Variants in ANKS1B observed in about 807,000 individuals in gnomAD.
The protein encoded by ANKS1B is ankyrin repeat and sterile alpha motif domain containing 1B, also known as ankyrin repeat and sterile alpha motif domain-containing protein 1B.
A neutral mutation model predicts 148.3 loss-of-function variants in ANKS1B; 36 were observed. The ratio of observed to expected loss-of-function variants is 0.24; its 90% CI spans 0.19 to 0.32. The LOEUF is 0.32. Ranked by LOEUF, ANKS1B falls within the 10% of genes least tolerant of loss-of-function variation. The pLI is 1.00. For synonymous variants in ANKS1B, 542 were observed against 560.8 expected (o/e 0.97, Z 0.47); for missense variants, 1,157 against 1,542.6 (o/e 0.75, Z 4.19).
intron 12 of ANKS1B, among the ~76,000 whole-genome samples, chr12:99,315,104 G>A (rs773208249): frequency 1.3e-4 from 19 of 151,956 alleles, no homozygotes; most frequent in South Asian, 1.0e-3. Context: ...TTAGCTGGGC[G>A]TGGTGGTGCA....
chr12:99,064,950 T>C (rs909188272), intron 16 of ANKS1B, among the ~76,000 whole-genome samples: 1 of 152,234 alleles, frequency 6.6e-6, no homozygotes, highest in Non-Finnish European at 1.5e-5. Context: ...AGCCTTTTGT[T>C]AAACATCGTT....
chr12:99,449,041 G>T (rs546966381), intron 10 of ANKS1B, among the ~76,000 whole-genome samples: 5 of 151,964 alleles, frequency 3.3e-5, no homozygotes, highest in Admixed American at 6.6e-5. Context: ...CTTCAGCTGT[G>T]TCAAGGCTGC....
intron 8 of ANKS1B, among the ~76,000 whole-genome samples, chr12:99,745,682 T>C (rs2060529210): frequency 6.6e-6 from 1 of 152,090 alleles, no homozygotes; most frequent in African/African-American, 2.4e-5. Context: ...AAAATTACAA[T>C]TTACAATTTA....
intron 4 of ANKS1B, among the ~76,000 whole-genome samples, chr12:99,790,078 C>G (rs1272381346): frequency 6.6e-6 from 1 of 151,952 alleles, no homozygotes; most frequent in African/African-American, 2.4e-5. Flanking sequence ...AATCAAACTC[C>G]CAAAGGTCAA....
intron 1 of ANKS1B, among the ~76,000 whole-genome samples, chr12:99,925,264 T>C (rs2153802148): frequency 6.6e-6 from 1 of 152,276 alleles, no homozygotes; most frequent in Admixed American, 6.5e-5. Flanking sequence ...TGTAGTCACC[T>C]TGGGAAGTAA....
intron 9 of ANKS1B, among the ~76,000 whole-genome samples, chr12:99,536,892 C>T (rs1197603638): frequency 6.6e-6 from 1 of 152,122 alleles, no homozygotes; most frequent in African/African-American, 2.4e-5. Flanking sequence ...ACCCTCCCCA[C>T]CTTAACCACA....
chr12:99,653,684 T>A (rs2153442067), intron 9 of ANKS1B, among the ~76,000 whole-genome samples: 1 of 148,062 alleles, frequency 6.8e-6, no homozygotes, highest in Non-Finnish European at 1.5e-5. Flanking sequence ...CTTTCTTTTT[T>A]TTTTTTTTTT....
chr12:99,515,494 C>T (rs181396527), intron 9 of ANKS1B, among the ~76,000 whole-genome samples: 1 of 152,202 alleles, frequency 6.6e-6, no homozygotes, highest in African/African-American at 2.4e-5. Flanking sequence ...CATGTTGTTG[C>T]AAATAAAAGG....
intron 16 of ANKS1B, among the ~76,000 whole-genome samples, chr12:99,069,111 G>T (rs2045482832): frequency 6.6e-6 from 1 of 152,194 alleles, no homozygotes; most frequent in Non-Finnish European, 1.5e-5. Context: ...TGATTGAATG[G>T]ATGGACAATG....
At chr12:99,186,755 A>G (rs750210609) in intron 14 of ANKS1B, among the ~76,000 whole-genome samples, 1 of 152,192 alleles carries the variant, frequency 6.6e-6, no homozygotes, top group East Asian at 1.9e-4. Context: ...AGATAAATCC[A>G]TGAAGATGGG....
chr12:99,155,998 C>A (rs2076003659), intron 14 of ANKS1B, among the ~76,000 whole-genome samples: 1 of 152,136 alleles, frequency 6.6e-6, no homozygotes, highest in Admixed American at 6.6e-5. Context: ...ACTCTCTCAT[C>A]CCCCCAGAGC....
chr12:99,632,725 TTCTA>T (rs2098174877), intron 9 of ANKS1B, among the ~76,000 whole-genome samples: 1 of 26,186 alleles, frequency 3.8e-5, no homozygotes, highest in South Asian at 1.6e-3. Flanking sequence ...TTCCTTTTCT[TTCTA>T]TATATATATA....
intron 12 of ANKS1B, among the ~76,000 whole-genome samples, chr12:99,302,752 G>T (rs914602502): frequency 1.3e-5 from 2 of 152,126 alleles, no homozygotes; most frequent in African/African-American, 4.8e-5. Flanking sequence ...TGGCAGCACA[G>T]ATTTGGCTTT....
At chr12:98,790,146 CTGTT>C (rs1027772130) in intron 22 of ANKS1B, among the ~76,000 whole-genome samples, 7 of 152,044 alleles carry the variant, frequency 4.6e-5, no homozygotes, top group African/African-American at 1.7e-4. Flanking sequence ...AAAAAACACA[CTGTT>C]TGAATCTATC....
intron 12 of ANKS1B, among the ~76,000 whole-genome samples, chr12:99,280,928 T>C (rs199550992): frequency 4.7e-5 from 7 of 147,382 alleles, no homozygotes; most frequent in Admixed American, 1.4e-4. Flanking sequence ...CGTGCGCACA[T>C]ACACACACAC....
intron 2 of ANKS1B, among the ~76,000 whole-genome samples, chr12:99,817,133 T>C (rs893311894): frequency 2.2e-4 from 31 of 143,906 alleles, no homozygotes; most frequent in African/African-American, 8.1e-4. Context: ...CTTCTAACTG[T>C]ATTTTTGTAT....
chr12:99,731,930 T>C (rs1034390914), intron 8 of ANKS1B, among the ~76,000 whole-genome samples: 1 of 152,184 alleles, frequency 6.6e-6, no homozygotes, highest in Non-Finnish European at 1.5e-5. Flanking sequence ...AAGAACTTGT[T>C]TTTGAGATAT....
chr12:99,628,589 C>T (rs1457843303), intron 9 of ANKS1B, among the ~76,000 whole-genome samples: 1 of 152,110 alleles, frequency 6.6e-6, no homozygotes, highest in Non-Finnish European at 1.5e-5. Context: ...ACCCTTATTG[C>T]CTTAATCTGT....
At chr12:98,747,705 A>G (rs1465681366) in intron 26 of ANKS1B, among the ~76,000 whole-genome samples, 2 of 152,234 alleles carry the variant, frequency 1.3e-5, no homozygotes, top group Non-Finnish European at 2.9e-5. Context: ...GAATCAAACT[A>G]AGTGTCCATC....
Sources: gnomAD v4.1 joint callset for allele counts (sites outside exome capture counted in the v4.1 genomes callset) on GRCh38, gnomAD v4.1.1 for gene constraint, MANE v1.5 for transcripts, NCBI Gene and HGNC (gene_info 2026-07-23, HGNC 2026-07-21) for gene names.